Variants in RGS7 observed in about 807,000 individuals in gnomAD.
RGS7 encodes regulator of G-protein signaling 7.
In RGS7, 27 loss-of-function variants were observed where a neutral mutation model predicts 81.1. The observed-to-expected ratio is 0.33, with a 90% CI of 0.25 to 0.46. The LOEUF (loss-of-function observed/expected upper bound fraction) is 0.46. Among genes scored for constraint, RGS7 ranks in the 20% least tolerant of loss-of-function variants. RGS7 has a pLI of 1.00. For synonymous variants in RGS7, 208 were observed against 207.7 expected, an observed-to-expected ratio of 1.00 and a Z score of -0.01; for missense variants, 396 against 607.4, an observed-to-expected ratio of 0.65 and a Z score of 3.66.
At position 240,900,355 on chromosome 1, in the gene RGS7, A is replaced by G. The variant is rs533887022; in HGVS notation, c.386-30236T>C. On this transcript the variant is annotated intron_variant, in intron 6 of 18. Coordinates refer to ENST00000440928, the MANE Select transcript of RGS7 (RefSeq NM_001364886.1). Reference sequence around the variant, plus strand: ...CTGGCGAGGAGCTGCATTCCTTTGGAGGAGAAGAGGCACTCTGATTTTTAG... The same window carrying G: ...CTGGCGAGGAGCTGCATTCCTTTGGGGGAGAAGAGGCACTCTGATTTTTAG... Among the ~76,000 whole-genome samples, 15 of 152,286 alleles carry G rather than the reference A, an allele frequency of 9.8e-5. No individual in the cohort carries two copies. The South Asian group carries it at 3.1e-3, about 32-fold the overall frequency.
chr1:240,866,307 C>T (rs1370814763), intron 9 of RGS7, among the ~76,000 whole-genome samples: 1 of 151,874 alleles, frequency 6.6e-6, no homozygotes, highest in Non-Finnish European at 1.5e-5. Flanking sequence ...GTCAGGAGAT[C>T]GAGATCATCC....
intron 3 of RGS7, among the ~76,000 whole-genome samples, chr1:241,098,098 G>A (rs1391190569): frequency 6.6e-6 from 1 of 152,098 alleles, no homozygotes; most frequent in East Asian, 1.9e-4. Flanking sequence ...AATATCCTCT[G>A]CCAAACATTT....
chr1:241,045,908 T>C (rs905002752), intron 3 of RGS7, among the ~76,000 whole-genome samples: 2 of 152,068 alleles, frequency 1.3e-5, no homozygotes, highest in African/African-American at 2.4e-5. Flanking sequence ...CTCTCTTCTC[T>C]CCCCTCCATC....
At chr1:241,286,229 G>T (rs1045856981) in intron 2 of RGS7, among the ~76,000 whole-genome samples, 2 of 152,132 alleles carry the variant, frequency 1.3e-5, no homozygotes, top group African/African-American at 4.8e-5. Flanking sequence ...CATTGAGATG[G>T]AAAGAGCCTT....
At chr1:241,048,804 A>T (rs967525814) in intron 3 of RGS7, among the ~76,000 whole-genome samples, 1 of 152,170 alleles carries the variant, frequency 6.6e-6, no homozygotes, top group African/African-American at 2.4e-5. Context: ...GGTGGCTTAA[A>T]ACAACAGACA....
At chr1:240,901,250 G>A (rs545970378) in intron 6 of RGS7, among the ~76,000 whole-genome samples, 1 of 152,272 alleles carries the variant, frequency 6.6e-6, no homozygotes, top group Non-Finnish European at 1.5e-5. Context: ...CCCAGGTGAG[G>A]CGATGCCCCA....
At chr1:241,257,478 C>T (rs960839835) in intron 2 of RGS7, among the ~76,000 whole-genome samples, 4 of 152,250 alleles carry the variant, frequency 2.6e-5, no homozygotes, top group East Asian at 1.9e-4. Context: ...TTCCAAAAAA[C>T]TTAAACCAAC....
intron 14 of RGS7, among the ~76,000 whole-genome samples, chr1:240,807,743 T>C (rs1196018970): frequency 1.3e-5 from 2 of 152,074 alleles, no homozygotes; most frequent in East Asian, 1.9e-4. Flanking sequence ...CTAATAGGAA[T>C]ACTATGCGAG....
chr1:240,976,725 C>CTCTATCTA (rs3044718), intron 4 of RGS7, among the ~76,000 whole-genome samples: 2,432 of 148,144 alleles, frequency 0.016, 20 homozygotes, highest in African/African-American at 0.019. Flanking sequence ...TCCTCAAAAT[C>CTCTATCTA]TCTATCTATC....
intron 2 of RGS7, among the ~76,000 whole-genome samples, chr1:241,115,307 C>T (rs1235674195): frequency 2.0e-5 from 3 of 152,084 alleles, no homozygotes; most frequent in Non-Finnish European, 2.9e-5. Context: ...GCTGAACCTC[C>T]GAATTAAGTT....
At chr1:240,920,045 A>G in intron 6 of RGS7, 1 of 1,093,326 alleles carries the variant, frequency 9.1e-7, no homozygotes, top group Non-Finnish European at 1.4e-6. Flanking sequence ...GAAAAATTGA[A>G]GGGATTGAAA....
chr1:241,125,920 C>G (rs2066625904), intron 2 of RGS7, among the ~76,000 whole-genome samples: 1 of 152,018 alleles, frequency 6.6e-6, no homozygotes, highest in South Asian at 2.1e-4. Context: ...GAAAAAATGC[C>G]CTTATCTCCA....
chr1:241,214,527 G>C (rs2074436711), intron 2 of RGS7, among the ~76,000 whole-genome samples: 1 of 151,812 alleles, frequency 6.6e-6, no homozygotes, highest in Non-Finnish European at 1.5e-5. Context: ...TCTTGAATCT[G>C]TGGGCGACTG....
intron 2 of RGS7, among the ~76,000 whole-genome samples, chr1:241,131,473 G>A (rs1484418758): frequency 6.6e-6 from 1 of 152,120 alleles, no homozygotes; most frequent in East Asian, 1.9e-4. Context: ...CAATTTCTCA[G>A]GCTACACTGG....
chr1:240,832,601 G>C (rs112585480), intron 9 of RGS7, among the ~76,000 whole-genome samples: 2 of 152,264 alleles, frequency 1.3e-5, no homozygotes, highest in African/African-American at 4.8e-5. Flanking sequence ...TCATGCGATA[G>C]TACATTTTTG....
At chr1:240,794,972 C>T (rs1248248244) in intron 18 of RGS7, among the ~76,000 whole-genome samples, 1 of 152,040 alleles carries the variant, frequency 6.6e-6, no homozygotes, top group African/African-American at 2.4e-5. Flanking sequence ...CACCTGAGGT[C>T]GGGAGTTCGA....
chr1:241,036,169 T>C (rs760319884), intron 3 of RGS7, among the ~76,000 whole-genome samples: 6 of 152,230 alleles, frequency 3.9e-5, no homozygotes, highest in Non-Finnish European at 8.8e-5. Flanking sequence ...TGACATTGTA[T>C]ACAAAGCAAG....
intron 2 of RGS7, among the ~76,000 whole-genome samples, chr1:241,191,925 T>G (rs1261399263): frequency 6.6e-6 from 1 of 152,210 alleles, no homozygotes; most frequent in Non-Finnish European, 1.5e-5. Flanking sequence ...AACAGAGATG[T>G]AAATTCAGGC....
At chr1:241,182,648 CTTTTT>C (rs34005010) in intron 2 of RGS7, among the ~76,000 whole-genome samples, 1 of 118,176 alleles carries the variant, frequency 8.5e-6, no homozygotes, top group East Asian at 2.6e-4. Context: ...GCATCTCACG[CTTTTT>C]TTTTTTTTTT....
Sources: allele counts gnomAD v4.1 joint callset (sites outside exome capture counted in the v4.1 genomes callset), GRCh38; gene constraint gnomAD v4.1.1; transcripts MANE v1.5; gene names NCBI Gene and HGNC (gene_info 2026-07-23, HGNC 2026-07-21).